The following GBE1 variants were observed in gnomAD, a reference collection of about 807,000 sequenced individuals.
GBE1 encodes the protein 1,4-alpha-glucan branching enzyme 1, also known as 1,4-alpha-glucan-branching enzyme.
A neutral mutation model predicts 88.8 loss-of-function variants in GBE1; 70 were observed. The ratio of observed to expected loss-of-function variants is 0.79; its 90% CI spans 0.65 to 0.96. GBE1 has a LOEUF of 0.96. GBE1 is among the 40% of genes least tolerant of loss of function. The pLI, the probability that GBE1 is intolerant of heterozygous loss-of-function variation, is 0.00. For missense variants in GBE1, 872 were observed against 871.0 expected, an observed-to-expected ratio of 1.00 and a Z score of -0.01; for synonymous variants, 284 against 300.1, an observed-to-expected ratio of 0.95 and a Z score of 0.56.
intron 3 of GBE1, among the ~76,000 whole-genome samples, chr3:81,659,703 G>GA (rs983247131): frequency 8.0e-5 from 12 of 150,242 alleles, no homozygotes; most frequent in South Asian, 2.1e-4. Context: ...AGCATGGAGG[G>GA]AAAAAAAAGA....
intron 7 of GBE1, among the ~76,000 whole-genome samples, chr3:81,598,174 C>T (rs1214096661): frequency 6.6e-6 from 1 of 151,804 alleles, no homozygotes; most frequent in African/African-American, 2.4e-5. Flanking sequence ...TGTTACTAAA[C>T]CTACTAATAT....
intron 12 of GBE1, among the ~76,000 whole-genome samples, chr3:81,554,997 C>T (rs1293346290): frequency 1.3e-5 from 2 of 152,180 alleles, no homozygotes; most frequent in Non-Finnish European, 2.9e-5. Context: ...GCTATCAGCT[C>T]TTGCTTCCTC....
chr3:81,681,477 A>T (rs539598325), intron 2 of GBE1, among the ~76,000 whole-genome samples: 11 of 152,336 alleles, frequency 7.2e-5, no homozygotes, highest in Admixed American at 5.2e-4. Context: ...GACCCAGTCC[A>T]TGGTGTGGGA....
At chr3:81,625,766 T>A (rs1274910003) in intron 7 of GBE1, among the ~76,000 whole-genome samples, 1 of 152,150 alleles carries the variant, frequency 6.6e-6, no homozygotes, top group Non-Finnish European at 1.5e-5. Context: ...GGTTTTTGGC[T>A]ATCTTCTTTC....
chr3:81,635,781 A>G (rs533375513), intron 7 of GBE1, among the ~76,000 whole-genome samples: 4 of 152,294 alleles, frequency 2.6e-5, no homozygotes, highest in Admixed American at 2.6e-4. Flanking sequence ...GCATGCACCA[A>G]CCATTGTTTT....
At chr3:81,755,496 G>A (rs1233870047) in intron 1 of GBE1, among the ~76,000 whole-genome samples, 2 of 152,066 alleles carry the variant, frequency 1.3e-5, no homozygotes, top group Non-Finnish European at 2.9e-5. Context: ...AATAAAATCA[G>A]TATGTTGAAA....
intron 7 of GBE1, among the ~76,000 whole-genome samples, chr3:81,596,095 AAC>A (rs1282052007): frequency 6.6e-6 from 1 of 151,946 alleles, no homozygotes; most frequent in Non-Finnish European, 1.5e-5. Flanking sequence ...TCATTAATGA[AAC>A]ACAATAGACA....
At chr3:81,628,759 A>G (rs1176002292) in intron 7 of GBE1, among the ~76,000 whole-genome samples, 10 of 117,976 alleles carry the variant, frequency 8.5e-5, no homozygotes, top group African/African-American at 3.1e-4. Flanking sequence ...ATATATATAT[A>G]TATATATATA....
intron 12 of GBE1, among the ~76,000 whole-genome samples, chr3:81,559,407 T>G (rs1417881231): frequency 6.6e-6 from 1 of 151,938 alleles, no homozygotes; most frequent in Non-Finnish European, 1.5e-5. Flanking sequence ...CTTTTTTCAT[T>G]ATGTATCCTC....
At chr3:81,549,733 G>A (rs1703249026) in intron 12 of GBE1, among the ~76,000 whole-genome samples, 1 of 151,430 alleles carries the variant, frequency 6.6e-6, no homozygotes, top group Admixed American at 6.6e-5. Flanking sequence ...TTCCATCAAA[G>A]CCAACCAAAA....
rs563569504 is a variant in GBE1, at chr3:81,541,438, G to A, written c.1619-4343C>T. Among the ~76,000 whole-genome samples, 14 of 150,722 alleles carry A rather than the reference G, an allele frequency of 9.3e-5. No homozygotes were observed. The South Asian group carries it at 2.5e-3, about 27-fold the overall frequency. On this transcript the variant is annotated intron_variant, in intron 12 of 15. Coordinates refer to ENST00000429644, the MANE Select transcript of GBE1 (RefSeq NM_000158.4). ...AATCTACAGCATAAATAATGGTGAT[G>A]GGCTGCAAGTTGCCCCCCCCGCCAC...
intron 1 of GBE1, among the ~76,000 whole-genome samples, chr3:81,744,409 ATATTACATTTC>A (rs1706395514): frequency 6.6e-6 from 1 of 152,132 alleles, no homozygotes; most frequent in Non-Finnish European, 1.5e-5. Context: ...TGTGTGATTT[ATATTACATTTC>A]TATTGGATAA....
chr3:81,659,502 A>ATTTTTTTTTT (rs35138103), intron 3 of GBE1, among the ~76,000 whole-genome samples: 1 of 127,052 alleles, frequency 7.9e-6, no homozygotes, highest in African/African-American at 3.1e-5. Flanking sequence ...CGCCCGGCTA[A>ATTTTTTTTTT]TTTTTTTTTT....
intron 2 of GBE1, among the ~76,000 whole-genome samples, chr3:81,701,561 G>A (rs936157719): frequency 6.6e-6 from 1 of 151,596 alleles, no homozygotes; most frequent in African/African-American, 2.4e-5. Flanking sequence ...ACTGATTAAG[G>A]TACAAAATTT....
chr3:81,524,092 C>A (rs925445498), intron 14 of GBE1, among the ~76,000 whole-genome samples: 2 of 151,882 alleles, frequency 1.3e-5, no homozygotes, highest in South Asian at 2.1e-4. Flanking sequence ...TCCATACTGG[C>A]TGTACTGATT....
At chr3:81,711,463 C>T (rs1376934756) in intron 1 of GBE1, among the ~76,000 whole-genome samples, 1 of 152,036 alleles carries the variant, frequency 6.6e-6, no homozygotes, top group Non-Finnish European at 1.5e-5. Context: ...GAATCCTTTC[C>T]CCATTTCTTG....
At chr3:81,671,190 A>C (rs1705184243) in intron 2 of GBE1, among the ~76,000 whole-genome samples, 1 of 152,190 alleles carries the variant, frequency 6.6e-6, no homozygotes. Flanking sequence ...TTAAGACTAT[A>C]ACATTTTCAG....
intron 4 of GBE1, 144 bp downstream of exon 4, chr3:81,649,652 A>T (rs1704816733): frequency 3.5e-6 from 2 of 574,910 alleles, no homozygotes; most frequent in Non-Finnish European, 3.0e-6. Flanking sequence ...ATACTCATAC[A>T]GTATAAAAGG....
intron 5 of GBE1, among the ~76,000 whole-genome samples, chr3:81,647,038 C>T (rs1214107322): frequency 3.3e-5 from 5 of 150,120 alleles, no homozygotes; most frequent in Non-Finnish European, 7.4e-5. Flanking sequence ...CTCACTGCAA[C>T]CTCCACCTCC....
Sources: allele counts gnomAD v4.1 joint callset (sites outside exome capture counted in the v4.1 genomes callset), GRCh38; gene constraint gnomAD v4.1.1; transcripts MANE v1.5; gene names NCBI Gene and HGNC (gene_info 2026-07-23, HGNC 2026-07-21).